KDM4C: variants seen among roughly 807,000 people sequenced by gnomAD.
KDM4C encodes lysine demethylase 4C.
A neutral mutation model predicts 129.3 loss-of-function variants in KDM4C; 81 were observed. The ratio of observed to expected loss-of-function variants is 0.63; its 90% CI spans 0.52 to 0.75. The LOEUF (loss-of-function observed/expected upper bound fraction) is 0.75. KDM4C is among the 30% of genes least tolerant of loss of function. The pLI, the probability that KDM4C is intolerant of heterozygous loss-of-function variation, is 0.00. For synonymous variants in KDM4C, 573 were observed against 456.1 expected (o/e 1.26, Z -3.26); for missense variants, 1,457 against 1,304.0 (o/e 1.12, Z -1.81).
intron 16 of KDM4C, 46 bp downstream of exon 16, chr9:7,046,963 C>G (rs1049218010): frequency 1.5e-6 from 2 of 1,348,198 alleles, no homozygotes; most frequent in Non-Finnish European, 2.1e-6. Context: ...TTTTCTTTCT[C>G]CATTCTAGAA....
chr9:6,786,669 A>G (rs991421518), intron 1 of KDM4C, among the ~76,000 whole-genome samples: 4 of 152,218 alleles, frequency 2.6e-5, no homozygotes, highest in Admixed American at 2.6e-4. Context: ...AAATAAAGGT[A>G]AAAGAGAAAC....
At position 6,984,457 on chromosome 9, in the gene KDM4C, C is replaced by T. The variant is rs73639444; in HGVS notation, c.1354+53C>T. On this transcript the variant is annotated intron_variant, in intron 10 of 21. Transcript: ENST00000381309. ...ATATAAGTAGTAGGTGGTTGATGATCAGATGTCTTAAATGGATGTTCACTA... is the reference window on the plus strand; with the variant it reads ...ATATAAGTAGTAGGTGGTTGATGATTAGATGTCTTAAATGGATGTTCACTA... 2.1e-5 allele frequency: 24 copies of T among 1,168,718 alleles called. No individual in the cohort carries two copies. In the African/African-American group the frequency reaches 3.5e-4, roughly 17 times the overall value. 72.4% of individuals were successfully genotyped at this position (1,168,718 alleles called of 1,614,324 possible).
Position 6,814,656 on chromosome 9 carries a change from T to C in KDM4C, c.346T>C (p.Tyr116His), listed in dbSNP as rs752790443. Residue 116 changes from tyrosine to histidine, a missense_variant, in exon 4 of 22, where the codon TAC (tyrosine) becomes CAC (histidine). Coordinates refer to ENST00000381309, the MANE Select transcript of KDM4C (RefSeq NM_015061.6). ...GKYCTPRYLD[Y>H]EDLERKYWKN... ...ATATTGTACTCCAAGATACTTGGAT[T>C]ACGAAGATTTGGAGCGCAAGTACTG... is the stretch of plus-strand genomic sequence containing the variant. 6.2e-7 allele frequency: 1 copy of C among 1,605,878 alleles called. No individual in the cohort carries two copies. The highest frequency in any genetic ancestry group is 8.5e-7 in the Non-Finnish European group (1 of 1,176,050).
chr9:7,137,897 A>G, intron 19 of KDM4C, among the ~76,000 whole-genome samples: 1 of 152,248 alleles, frequency 6.6e-6, no homozygotes, highest in Non-Finnish European at 1.5e-5. Flanking sequence ...TTTTGGCAAT[A>G]GAGTGAACTT....
chr9:6,880,041 G>A lies in KDM4C; in HGVS notation c.659G>A (p.Arg220Gln). 1 of 1,599,262 alleles carries A rather than the reference G, an allele frequency of 6.3e-7. No individual in the cohort carries two copies. ...WYAIPPEHGK[R>Q]LERLAQGFFP... ...GCTATACCTCCGGAGCATGGAAAAC[G>A]ACTTGAAAGACTAGCTCAAGGTAAA... Residue 220 changes from arginine (R) to glutamine (Q), a missense_variant, in exon 6 of 22, where the codon CGA (arginine) becomes CAA (glutamine). Transcript: ENST00000381309.
intron 8 of KDM4C, among the ~76,000 whole-genome samples, chr9:6,894,619 A>T (rs1401287719): frequency 6.6e-6 from 1 of 152,240 alleles, no homozygotes; most frequent in Non-Finnish European, 1.5e-5. Flanking sequence ...GTAGCCTATG[A>T]TATTGGCCAG....
At chr9:6,890,829 T>G (rs1383378985) in intron 7 of KDM4C, among the ~76,000 whole-genome samples, 1 of 152,188 alleles carries the variant, frequency 6.6e-6, no homozygotes, top group Non-Finnish European at 1.5e-5. Flanking sequence ...GATAATTAAT[T>G]AGATTCAGTG....
At chr9:7,056,074 A>G (rs918212667) in intron 17 of KDM4C, among the ~76,000 whole-genome samples, 3 of 152,224 alleles carry the variant, frequency 2.0e-5, no homozygotes, top group Non-Finnish European at 4.4e-5. Flanking sequence ...GAGAAGTTCT[A>G]AGAAAATAAT....
intron 8 of KDM4C, among the ~76,000 whole-genome samples, chr9:6,970,101 T>A (rs1056505124): frequency 6.6e-6 from 1 of 152,204 alleles, no homozygotes; most frequent in Non-Finnish European, 1.5e-5. Context: ...TGGGGGACAA[T>A]CAAGGTGCTC....
intron 8 of KDM4C, among the ~76,000 whole-genome samples, chr9:6,910,185 C>T (rs1819032554): frequency 6.6e-6 from 1 of 152,048 alleles, no homozygotes. Flanking sequence ...TTATGAGTTA[C>T]TCTTTTTTGC....
intron 8 of KDM4C, among the ~76,000 whole-genome samples, chr9:6,965,476 T>C (rs1035057671): frequency 6.6e-6 from 1 of 152,062 alleles, no homozygotes. Context: ...CAGCAGGATA[T>C]GTGTGTGTGT....
Position 6,785,365 on chromosome 9 carries a change from C to G in KDM4C, c.-17-7607C>G, listed in dbSNP as rs181575242. Among the ~76,000 whole-genome samples the G allele has an allele frequency of 1.2e-4, 17 of 141,672 alleles. No homozygotes were observed. The East Asian group carries it at 3.2e-3, about 27-fold the overall frequency. The allele number at this position is 141,672 out of a possible 152,430, so 92.9% of individuals were successfully genotyped here. ...TCTTTTTTTTTTTTTGAGATGGAGTCTCACTCTGTCACACAGGCTGGAGTG... is the reference window on the plus strand; with the variant it reads ...TCTTTTTTTTTTTTTGAGATGGAGTGTCACTCTGTCACACAGGCTGGAGTG... On this transcript the variant is annotated intron_variant, in intron 1 of 21. Transcript: ENST00000381309.
At chr9:7,081,813 A>G (rs929146605) in intron 17 of KDM4C, among the ~76,000 whole-genome samples, 2 of 152,172 alleles carry the variant, frequency 1.3e-5, no homozygotes, top group African/African-American at 4.8e-5. Context: ...GGCTAATGGT[A>G]GAAGATAGAC....
chr9:6,746,899 G>A (rs192867071), intron 1 of KDM4C, among the ~76,000 whole-genome samples: 1 of 149,098 alleles, frequency 6.7e-6, no homozygotes, highest in Non-Finnish European at 1.5e-5. Flanking sequence ...CCAGCTACTC[G>A]GGAGGCTGAG....
intron 5 of KDM4C, 109 bp from the exon 6 acceptor site, chr9:6,879,903 A>G: frequency 1.9e-6 from 1 of 528,868 alleles, no homozygotes; most frequent in Non-Finnish European, 3.4e-6. Context: ...ATCTAAGTGG[A>G]GTTTGGTGTT....
intron 18 of KDM4C, among the ~76,000 whole-genome samples, chr9:7,117,123 C>A (rs867073637): frequency 1.3e-5 from 2 of 152,222 alleles, no homozygotes; most frequent in Middle Eastern, 3.4e-3. Flanking sequence ...ATAGAACATT[C>A]AGGTTGTCAG....
rs1353276057 is a variant in KDM4C at position 6,798,227 on chromosome 9, A to G, written c.144+5095A>G. ...AGAAAATTGCTGCAAAATATTTTAT[A>G]GGCAAGCAACTTCCTTTTTTCTTTC... On this transcript the variant is annotated intron_variant, in intron 2 of 21. Coordinates refer to ENST00000381309, the MANE Select transcript of KDM4C (RefSeq NM_015061.6). Among the ~76,000 whole-genome samples the G allele has an allele frequency of 2.0e-5, 3 of 149,966 alleles. No homozygotes were observed. The East Asian group carries it at 5.9e-4, about 29-fold the overall frequency.
intron 8 of KDM4C, among the ~76,000 whole-genome samples, chr9:6,979,522 T>C (rs751078739): frequency 2.0e-5 from 3 of 152,198 alleles, no homozygotes; most frequent in Non-Finnish European, 4.4e-5. Flanking sequence ...GAAAATCTCA[T>C]TGGTGGAGTA....
chr9:6,959,380 G>T (rs921293422), intron 8 of KDM4C, among the ~76,000 whole-genome samples: 5 of 152,166 alleles, frequency 3.3e-5, no homozygotes, highest in Non-Finnish European at 7.3e-5. Flanking sequence ...ACTAGACTGT[G>T]GTACCTGTCA....
Sources: gnomAD v4.1 joint callset for allele counts (sites outside exome capture counted in the v4.1 genomes callset) on GRCh38, gnomAD v4.1.1 for gene constraint, MANE v1.5 for transcripts, NCBI Gene and HGNC (gene_info 2026-07-23, HGNC 2026-07-21) for gene names.